The following HPGDS variants were observed in gnomAD, a reference collection of about 807,000 sequenced individuals.
HPGDS encodes hematopoietic prostaglandin D synthase.
In HPGDS, 26 loss-of-function variants were observed where a neutral mutation model predicts 23.1. That is an observed-to-expected ratio of 1.13 (90% CI 0.83 to 1.56). The LOEUF (loss-of-function observed/expected upper bound fraction) is 1.56, where lower values mean the gene tolerates loss of function less well. HPGDS is among the 40% of genes most tolerant of loss of function. The pLI, the probability that HPGDS is intolerant of heterozygous loss-of-function variation, is 0.00. For missense variants in HPGDS, 268 were observed against 236.4 expected (o/e 1.13, Z -0.88); for synonymous variants, 95 against 77.9 (o/e 1.22, Z -1.16).
chr4:94,341,693 A>G (rs1333828856), intron 1 of HPGDS, among the ~76,000 whole-genome samples: 2 of 152,222 alleles, frequency 1.3e-5, no homozygotes, highest in Admixed American at 6.5e-5. Context: ...AGTTAGAGAT[A>G]TAAAAACAAA....
intron 1 of HPGDS, among the ~76,000 whole-genome samples, chr4:94,340,311 C>CTTTTCTTTTTTTTTTTTTTTTTTTT (rs1721126934): frequency 8.4e-5 from 2 of 23,686 alleles, no homozygotes; most frequent in South Asian, 1.6e-3. Context: ...CTTTCTTTCT[C>CTTTTCTTTTTTTTTTTTTTTTTTTT]TTTTTTTTTT....
intron 1 of HPGDS, among the ~76,000 whole-genome samples, chr4:94,342,451 A>C (rs529228777): frequency 6.6e-6 from 1 of 152,352 alleles, no homozygotes; most frequent in East Asian, 1.9e-4. Flanking sequence ...CATCAATCCA[A>C]GTTATTGAAG....
Position 94,302,132 on chromosome 4 carries a change from T to A in HPGDS, c.435+14A>T. On this transcript the variant is annotated intron_variant, in intron 5 of 5. Transcript: ENST00000295256. ...TTATTTGCTTGAATTTTTTAAGATA[T>A]AAAACATACTCACAGAGTTACCAAT... 1 of 1,561,218 alleles carries A rather than the reference T, an allele frequency of 6.4e-7. No homozygotes were observed. Among genetic ancestry groups the A allele is most frequent in the Non-Finnish European group, 8.8e-7 (1 of 1,133,876 alleles).
rs78235126 is a variant in HPGDS at position 94,327,375 on chromosome 4, T to C, written c.133+7122A>G. 2.0e-5 allele frequency among the ~76,000 whole-genome samples: 3 copies of C among 152,140 alleles called. No individual in the cohort carries two copies. The East Asian group carries it at 5.8e-4, about 29-fold the overall frequency. ...TTCTCAGGTCTCCTGAGAGTGCATG[T>C]TTGCACCAGTGGCAGCAGGCAGGGC... On this transcript the variant is annotated intron_variant, in intron 2 of 5. Transcript: ENST00000295256.
intron 4 of HPGDS, 133 bp from the exon 5 acceptor site, chr4:94,302,377 T>C (rs1015064439): frequency 8.1e-6 from 5 of 620,442 alleles, no homozygotes; most frequent in Non-Finnish European, 1.4e-5. Context: ...AGATTTTTTA[T>C]TCAAATTTAT....
At chr4:94,315,528 A>C (rs900679782) in intron 3 of HPGDS, among the ~76,000 whole-genome samples, 19 of 152,098 alleles carry the variant, frequency 1.2e-4, no homozygotes, top group African/African-American at 4.6e-4. Flanking sequence ...ATTTTTGGTA[A>C]TAAATCATTG....
intron 4 of HPGDS, chr4:94,303,945 C>T (rs1459393616): frequency 6.6e-6 from 1 of 152,040 alleles, no homozygotes; most frequent in Admixed American, 6.6e-5. Flanking sequence ...AATTAATAAA[C>T]AGTGTAATTA....
chr4:94,341,955 G>A (rs778361991), intron 1 of HPGDS, among the ~76,000 whole-genome samples: 40 of 152,264 alleles, frequency 2.6e-4, no homozygotes, highest in Non-Finnish European at 4.3e-4. Flanking sequence ...TGATGGTAAA[G>A]AATGTTAATT....
At chr4:94,311,437 C>T (rs760618332) in intron 3 of HPGDS, among the ~76,000 whole-genome samples, 6 of 151,214 alleles carry the variant, frequency 4.0e-5, no homozygotes, top group Non-Finnish European at 8.8e-5. Context: ...TGCTGGATTA[C>T]GTTTATTGAT....
intron 5 of HPGDS, among the ~76,000 whole-genome samples, chr4:94,301,305 A>G (rs1167999798): frequency 3.3e-5 from 5 of 152,224 alleles, no homozygotes; most frequent in Admixed American, 1.3e-4. Context: ...TGGCAAGACT[A>G]CTAGGTGGTA....
At chr4:94,331,186 T>C (rs1489932043) in intron 2 of HPGDS, among the ~76,000 whole-genome samples, 14 of 152,186 alleles carry the variant, frequency 9.2e-5, no homozygotes, top group Non-Finnish European at 2.1e-4. Context: ...GTCTACTTAC[T>C]AAGTTAGGTT....
intron 3 of HPGDS, among the ~76,000 whole-genome samples, chr4:94,315,653 A>G (rs1756381888): frequency 1.3e-5 from 2 of 152,358 alleles, no homozygotes; most frequent in Non-Finnish European, 1.5e-5. Flanking sequence ...AAGAAACTGT[A>G]TACTGACAGT....
At chr4:94,322,112 G>A (rs1488668177) in intron 2 of HPGDS, among the ~76,000 whole-genome samples, 2 of 152,172 alleles carry the variant, frequency 1.3e-5, no homozygotes, top group Non-Finnish European at 2.9e-5. Context: ...CAGGAATGAA[G>A]CCAGCTTGAT....
chr4:94,314,113 T>C lies in HPGDS; in HGVS notation c.226+3760A>G, dbSNP rs141765163. Among the ~76,000 whole-genome samples the C allele has an allele frequency of 8.3e-3, 1,259 of 152,344 alleles. 8 individuals carry two copies. The highest frequency in any genetic ancestry group is 0.054 in the Middle Eastern group (16 of 294). The stretch of plus-strand genomic sequence containing the variant: ...CCTCCTTTAGCTCGGAGAAGTTTGA[T>C]CATCTGAAGCCTTCTTCTCTCAACT... On this transcript the variant is annotated intron_variant, in intron 3 of 5. Coordinates refer to ENST00000295256, the MANE Select transcript of HPGDS (RefSeq NM_014485.3).
chr4:94,303,991 AATAAC>A (rs1210894907), intron 4 of HPGDS: 1 of 151,824 alleles, frequency 6.6e-6, no homozygotes, highest in Non-Finnish European at 1.5e-5. Context: ...AATCAACCAA[AATAAC>A]ATAAAGAAGA....
intron 2 of HPGDS, among the ~76,000 whole-genome samples, chr4:94,330,941 C>A (rs919665209): frequency 6.6e-6 from 1 of 152,104 alleles, no homozygotes; most frequent in Non-Finnish European, 1.5e-5. Context: ...AATCACAGAG[C>A]CTCCAGGGGA....
intron 3 of HPGDS, among the ~76,000 whole-genome samples, chr4:94,315,290 C>T (rs1756373642): frequency 6.6e-6 from 1 of 152,260 alleles, no homozygotes; most frequent in Non-Finnish European, 1.5e-5. Context: ...ACTGCCTCTC[C>T]CACAATTTAT....
chr4:94,340,985 A>G (rs962980420), intron 1 of HPGDS, among the ~76,000 whole-genome samples: 2 of 151,264 alleles, frequency 1.3e-5, no homozygotes, highest in African/African-American at 4.9e-5. Context: ...AGCTGGGATT[A>G]CAGACGCCCA....
intron 3 of HPGDS, among the ~76,000 whole-genome samples, chr4:94,312,688 T>C (rs1219754174): frequency 1.3e-5 from 2 of 152,192 alleles, no homozygotes; most frequent in Non-Finnish European, 2.9e-5. Flanking sequence ...AATTCCTGGA[T>C]ATCCTTGTTA....
Sources: gnomAD v4.1 joint callset for allele counts (sites outside exome capture counted in the v4.1 genomes callset) on GRCh38, gnomAD v4.1.1 for gene constraint, MANE v1.5 for transcripts, NCBI Gene and HGNC (gene_info 2026-07-23, HGNC 2026-07-21) for gene names.